CLHC1: variants seen among roughly 807,000 people sequenced by gnomAD.
The protein encoded by CLHC1 is clathrin heavy chain linker domain-containing protein 1.
In CLHC1, 72 loss-of-function variants were observed where a neutral mutation model predicts 69.5. The ratio of observed to expected loss-of-function variants is 1.04; its 90% CI spans 0.86 to 1.26. The LOEUF (loss-of-function observed/expected upper bound fraction) is 1.26. CLHC1 is among the 50% of genes most tolerant of loss of function. The pLI, the probability that CLHC1 is intolerant of heterozygous loss-of-function variation, is 0.00. For missense variants in CLHC1, 790 were observed against 679.3 expected, an observed-to-expected ratio of 1.16 and a Z score of -1.81; for synonymous variants, 223 against 224.3, an observed-to-expected ratio of 0.99 and a Z score of 0.05.
chr2:55,224,395 C>A, intron 2 of CLHC1: 1 of 437,362 alleles, frequency 2.3e-6, no homozygotes. Context: ...AGTGGATGGT[C>A]CTCCTGGAGG....
At chr2:55,217,223 T>G (rs745667713) in intron 4 of CLHC1, among the ~76,000 whole-genome samples, 3 of 150,132 alleles carry the variant, frequency 2.0e-5, no homozygotes, top group Non-Finnish European at 3.0e-5. Context: ...AACTGCCCAC[T>G]CTTGCCTTTT....
Position 55,175,600 on chromosome 2 carries a change from T to C in CLHC1, c.*190A>G. 1 of 528,316 alleles carries C rather than the reference T, an allele frequency of 1.9e-6. No homozygotes were observed. The highest frequency in any genetic ancestry group is 3.3e-6 in the Non-Finnish European group (1 of 298,816). 32.7% of individuals were successfully genotyped at this position (528,316 alleles called of 1,614,324 possible). A position where few individuals can be genotyped will look rare whatever the true frequency, so the allele number is the denominator to read the frequency against. On this transcript the variant is annotated 3_prime_UTR_variant, in exon 13 of 13. Coordinates refer to ENST00000401408, the MANE Select transcript of CLHC1 (RefSeq NM_152385.4). Reference sequence around the variant, plus strand: ...AGATTCAATATAAGAAATGACCATATGGGGAAAAGGAAGCAATAGTATAAA... The same window carrying C: ...AGATTCAATATAAGAAATGACCATACGGGGAAAAGGAAGCAATAGTATAAA...
At chr2:55,207,693 T>C (rs1238560691) in intron 8 of CLHC1, among the ~76,000 whole-genome samples, 3 of 152,182 alleles carry the variant, frequency 2.0e-5, no homozygotes, top group Admixed American at 6.5e-5. Context: ...TGCTCCTGCA[T>C]GTTAAACACC....
chr2:55,178,619 G>C (rs929828587), intron 11 of CLHC1, among the ~76,000 whole-genome samples: 22 of 152,146 alleles, frequency 1.4e-4, no homozygotes, highest in Admixed American at 7.9e-4. Context: ...CTTCCCAGTA[G>C]CTGAGATTAC....
intron 5 of CLHC1, among the ~76,000 whole-genome samples, chr2:55,211,470 A>ACAG (rs1159677325): frequency 2.7e-5 from 4 of 147,266 alleles, no homozygotes; most frequent in African/African-American, 1.0e-4. Context: ...CCACTGCACT[A>ACAG]CAGCCTGGGT....
intron 9 of CLHC1, among the ~76,000 whole-genome samples, chr2:55,184,602 G>C (rs1670244909): frequency 6.6e-6 from 1 of 151,840 alleles, no homozygotes; most frequent in Non-Finnish European, 1.5e-5. Flanking sequence ...CACATATGAT[G>C]GCAGAAGATG....
intron 7 of CLHC1, among the ~76,000 whole-genome samples, 159 bp from the exon 8 acceptor site, chr2:55,208,869 T>G (rs990273669): frequency 2.2e-5 from 3 of 137,972 alleles, no homozygotes; most frequent in Admixed American, 1.5e-4. Context: ...TTTCCTCTTT[T>G]TTTTTTTTTT....
chr2:55,217,912 GTCTT>G lies in CLHC1; in HGVS notation c.260_263del (p.Lys87ThrfsTer36), dbSNP rs777772587. On this transcript the variant is annotated frameshift_variant, in exon 4 of 13. Coordinates refer to ENST00000401408, the MANE Select transcript of CLHC1 (RefSeq NM_152385.4). LOFTEE classifies it high-confidence loss of function. ...CATGAAGACAAAATGTAGTTCTTCGGTCTTTCTTTATTGTCTCAATAAAGGCATC... is the reference window on the plus strand; with the variant it reads ...CATGAAGACAAAATGTAGTTCTTCGGTCTTTATTGTCTCAATAAAGGCATC... 6 of 1,601,506 alleles carry G rather than the reference GTCTT, an allele frequency of 3.7e-6. No homozygotes were observed. The African/African-American group carries it at 5.4e-5, about 14-fold the overall frequency.
At chr2:55,223,754 A>G (rs1041004834) in intron 2 of CLHC1, among the ~76,000 whole-genome samples, 4 of 151,840 alleles carry the variant, frequency 2.6e-5, no homozygotes, top group Non-Finnish European at 5.9e-5. Context: ...GGTGTTCAGA[A>G]GAGAAGCAGG....
At chr2:55,190,616 A>G (rs184416864) in intron 9 of CLHC1, among the ~76,000 whole-genome samples, 7 of 152,274 alleles carry the variant, frequency 4.6e-5, no homozygotes, top group African/African-American at 7.2e-5. Flanking sequence ...TGAAAAATAC[A>G]CTGGATGGGA....
At chr2:55,211,594 T>C (rs182503547) in intron 5 of CLHC1, among the ~76,000 whole-genome samples, 115 of 152,004 alleles carry the variant, frequency 7.6e-4, no homozygotes, top group African/African-American at 2.7e-3. Context: ...TCCTTTAGTA[T>C]AGAGTAGCTC....
chr2:55,208,743 T>C lies in CLHC1; in HGVS notation c.815-33A>G, dbSNP rs201967969. On this transcript the variant is annotated intron_variant, in intron 7 of 12. Transcript: ENST00000401408. The stretch of plus-strand genomic sequence containing the variant: ...TATTGAAAGTACTACTGGAAGATAT[T>C]TAAGGTTACTTACCAATAGAAAACA... 88 of 1,390,646 alleles carry C rather than the reference T, an allele frequency of 6.3e-5. No individual in the cohort carries two copies. The African/African-American group carries it at 1.1e-3, about 18-fold the overall frequency. The allele number at this position is 1,390,646 out of a possible 1,614,324, so 86.1% of individuals were successfully genotyped here.
At chr2:55,183,482 G>T (rs1670113479) in intron 9 of CLHC1, among the ~76,000 whole-genome samples, 1 of 152,182 alleles carries the variant, frequency 6.6e-6, no homozygotes, top group Admixed American at 6.5e-5. Flanking sequence ...CAGTTTCATA[G>T]ATCAAAGCTT....
Position 55,173,442 on chromosome 2 carries a change from GT to G in CLHC1, c.*2347del, listed in dbSNP as rs1285905713. ...GTAGTATTTGAAATTTAGGCTGAAG[GT>G]CAAGAAGCATTGGGAAATAATTTGT... On this transcript the variant is annotated 3_prime_UTR_variant, in exon 13 of 13. Coordinates refer to ENST00000401408, the MANE Select transcript of CLHC1 (RefSeq NM_152385.4). 6.6e-6 allele frequency among the ~76,000 whole-genome samples: 1 copy of G among 152,190 alleles called. No individual in the cohort carries two copies. The highest frequency in any genetic ancestry group is 2.4e-5 in the African/African-American group (1 of 41,442).
intron 5 of CLHC1, among the ~76,000 whole-genome samples, chr2:55,211,502 CAAAAAAAAA>C (rs35216255): frequency 1.2e-5 from 1 of 82,264 alleles, no homozygotes; most frequent in African/African-American, 4.9e-5. Context: ...ACTATGTCTC[CAAAAAAAAA>C]AAAAAAAAAA....
At chr2:55,194,826 C>G (rs995264724) in intron 9 of CLHC1, among the ~76,000 whole-genome samples, 2 of 152,082 alleles carry the variant, frequency 1.3e-5, no homozygotes, top group Non-Finnish European at 2.9e-5. Context: ...ATTAATATGT[C>G]AAGCTAAATT....
rs1672812498 is a variant in CLHC1 at position 55,209,847 on chromosome 2, A to G, written c.500-16T>C. The G allele has an allele frequency of 3.2e-6, 5 of 1,542,250 alleles. No homozygotes were observed. In the Admixed American group the frequency reaches 8.4e-5, roughly 26 times the overall value. ...AGAGTCATGCCTATGGGGAAAGGGA[A>G]CAAATCAAACACGACAAGCCATGTG... On this transcript the variant is annotated splice_polypyrimidine_tract_variant and intron_variant, in intron 5 of 12. Coordinates refer to ENST00000401408, the MANE Select transcript of CLHC1 (RefSeq NM_152385.4).
intron 11 of CLHC1, among the ~76,000 whole-genome samples, chr2:55,178,162 C>T (rs979227798): frequency 6.6e-6 from 1 of 152,158 alleles, no homozygotes; most frequent in Non-Finnish European, 1.5e-5. Context: ...TATTAGAGGT[C>T]TCCATCTAAT....
Position 55,222,852 on chromosome 2 carries a change from C to T in CLHC1, c.-82-359G>A, listed in dbSNP as rs535431545. Among the ~76,000 whole-genome samples the T allele has an allele frequency of 5.3e-5, 7 of 132,338 alleles. No individual in the cohort carries two copies. In the East Asian group the frequency reaches 1.4e-3, roughly 27 times the overall value. The allele number at this position is 132,338 out of a possible 152,430, so 86.8% of individuals were successfully genotyped here. A position where few individuals can be genotyped will look rare whatever the true frequency, so the allele number is the denominator to read the frequency against. On this transcript the variant is annotated intron_variant, in intron 2 of 12. Transcript: ENST00000401408. Reference sequence around the variant, plus strand: ...AGGAGGATCGCTTGAACCCCGGAGGCGGAGTTGCGGTGAGCCGAGATCGCG... The same window carrying T: ...AGGAGGATCGCTTGAACCCCGGAGGTGGAGTTGCGGTGAGCCGAGATCGCG...
Sources: gnomAD v4.1 joint callset for allele counts (sites outside exome capture counted in the v4.1 genomes callset) on GRCh38, gnomAD v4.1.1 for gene constraint, MANE v1.5 for transcripts, NCBI Gene and HGNC (gene_info 2026-07-23, HGNC 2026-07-21) for gene names.